Variants in SLC11A2 observed in about 807,000 individuals in gnomAD.
The protein encoded by SLC11A2 is solute carrier family 11 member 2, also known as natural resistance-associated macrophage protein 2.
A neutral mutation model predicts 68.0 loss-of-function variants in SLC11A2; 38 were observed. That is an observed-to-expected ratio of 0.56 (90% CI 0.43 to 0.73). The LOEUF is 0.73. Among genes scored for constraint, SLC11A2 ranks in the 30% least tolerant of loss-of-function variants. The probability of loss-of-function intolerance (pLI) is 0.00; values close to 1 mark genes in which losing one functional copy is unlikely to be tolerated. For synonymous variants in SLC11A2, 242 were observed against 250.6 expected (o/e 0.97, Z 0.32); for missense variants, 517 against 690.5 (o/e 0.75, Z 2.82).
At position 50,986,802 on chromosome 12, in the gene SLC11A2, T is replaced by C. The variant is rs1266671737; in HGVS notation, c.*1523A>G. The C allele has an allele frequency of 7.8e-7, 1 of 1,287,210 alleles. No individual in the cohort carries two copies. The highest frequency in any genetic ancestry group is 1.2e-5 in the South Asian group (1 of 80,936). 79.7% of individuals were successfully genotyped at this position (1,287,210 alleles called of 1,614,324 possible). Reference sequence around the variant, plus strand: ...GTATGGTCAGTGAAACACAGTAGTGTACCCTTAAATGCCTTATAAAAGACC... The same window carrying C: ...GTATGGTCAGTGAAACACAGTAGTGCACCCTTAAATGCCTTATAAAAGACC... On this transcript the variant is annotated 3_prime_UTR_variant, in exon 16 of 16. Coordinates refer to ENST00000262052, the MANE Select transcript of SLC11A2 (RefSeq NM_000617.3).
Position 51,026,363 on chromosome 12 carries a change from T to A in SLC11A2, c.-92A>T. The A allele has an allele frequency of 2.3e-6, 3 of 1,281,218 alleles. No individual in the cohort carries two copies. Among genetic ancestry groups the A allele is most frequent in the Non-Finnish European group, 3.0e-6 (3 of 983,828 alleles). The allele number at this position is 1,281,218 out of a possible 1,614,324, so 79.4% of individuals were successfully genotyped here. The stretch of plus-strand genomic sequence containing the variant: ...CCGCCCCCGCGCCCAGGGCTCCATA[T>A]TCCGGGAGCCAGCGCCACGCTGGCT... On this transcript the variant is annotated 5_prime_UTR_variant, in exon 1 of 16. Transcript: ENST00000262052.
the SLC11A2 span, among the ~76,000 whole-genome samples, chr12:50,960,553 G>C: frequency 2.7e-5 from 4 of 148,368 alleles, no homozygotes; most frequent in African/African-American, 9.9e-5. Context: ...ATCAAATCCA[G>C]CTTGGTTCTT....
chr12:50,989,056 C>T (rs1940884382), intron 15 of SLC11A2, among the ~76,000 whole-genome samples: 1 of 152,092 alleles, frequency 6.6e-6, no homozygotes, highest in African/African-American at 2.4e-5. Context: ...CTCGGAAGTC[C>T]ACTTTTCCTC....
At chr12:50,970,001 C>A in the SLC11A2 span, among the ~76,000 whole-genome samples, 1 of 152,120 alleles carries the variant, frequency 6.6e-6, no homozygotes, top group African/African-American at 2.4e-5. Context: ...CCATACATAT[C>A]ATCCGCCTAA....
chr12:51,007,272 C>T (rs1230194147), intron 3 of SLC11A2, among the ~76,000 whole-genome samples: 1 of 152,134 alleles, frequency 6.6e-6, no homozygotes. Flanking sequence ...GTGTCACGGG[C>T]CTTGGTCACT....
chr12:51,017,247 G>T (rs1030497710), intron 1 of SLC11A2, among the ~76,000 whole-genome samples: 1 of 152,068 alleles, frequency 6.6e-6, no homozygotes, highest in Non-Finnish European at 1.5e-5. Context: ...ATTAGTAGAG[G>T]ACTGGTTGAA....
At chr12:50,993,032 C>T in intron 11 of SLC11A2, 103 bp from the exon 12 acceptor site, 1 of 1,341,268 alleles carries the variant, frequency 7.5e-7, no homozygotes, top group Non-Finnish European at 1.1e-6. Flanking sequence ...TTGCTATGCA[C>T]CACCAACACC....
chr12:51,013,091 T>C (rs1943360835), intron 1 of SLC11A2, among the ~76,000 whole-genome samples: 1 of 152,148 alleles, frequency 6.6e-6, no homozygotes, highest in South Asian at 2.1e-4. Context: ...GAACTATGCA[T>C]AGCTCTTCCA....
downstream of SLC11A2, chr12:50,979,793 T>A (rs529879431): frequency 3.3e-5 from 15 of 448,078 alleles, no homozygotes; most frequent in Middle Eastern, 7.0e-4. Flanking sequence ...CTGGATTTTT[T>A]AAAAAGTTTT....
the SLC11A2 span, among the ~76,000 whole-genome samples, chr12:50,967,187 C>T: frequency 5.3e-5 from 8 of 152,170 alleles, no homozygotes; most frequent in South Asian, 2.1e-4. Flanking sequence ...GCAATCATGG[C>T]TCACTGCAGC....
At chr12:50,977,703 A>G (rs1196505201), downstream of SLC11A2, among the ~76,000 whole-genome samples, 1 of 152,214 alleles carries the variant, frequency 6.6e-6, no homozygotes, top group Non-Finnish European at 1.5e-5. Flanking sequence ...ATCAGAGTGA[A>G]CAGGCAACCT....
downstream of SLC11A2, chr12:50,980,921 G>A (rs1386990446): frequency 6.6e-6 from 1 of 152,208 alleles, no homozygotes; most frequent in Non-Finnish European, 1.5e-5. Flanking sequence ...GCCAGAATGA[G>A]CTGAGTTACA....
chr12:50,986,308 A>G lies in SLC11A2; in HGVS notation c.*2017T>C, dbSNP rs1940546760. ...TTTCTACATATTATTTATTGCACCC[A>G]GAGTACTGGTTAAAATGCACTTTCT... On this transcript the variant is annotated 3_prime_UTR_variant, in exon 16 of 16. Coordinates refer to ENST00000262052, the MANE Select transcript of SLC11A2 (RefSeq NM_000617.3). The G allele has an allele frequency of 2.3e-6, 3 of 1,286,418 alleles. No individual in the cohort carries two copies. The highest frequency in any genetic ancestry group is 3.2e-4 in the Middle Eastern group (1 of 3,084). 79.7% of individuals were successfully genotyped at this position (1,286,418 alleles called of 1,614,324 possible).
chr12:51,008,574 G>T lies in SLC11A2; in HGVS notation c.85C>A (p.Pro29Thr). Residue 29 changes from proline (P) to threonine (T), a missense_variant, in exon 3 of 16, where the codon CCT (proline) becomes ACT (threonine). Physicochemically the swap from Pro to Thr is conservative, Grantham distance 38. Transcript: ENST00000262052. The part of the protein sequence containing the change: ...GESASLGNIN[P>T]AYSNPSLSQS... The stretch of plus-strand genomic sequence containing the variant: ...GAAAGAGAGGGATTACTATAGGCAG[G>T]GTTGATGTTACCAAGACTGGCAGAC... The T allele has an allele frequency of 2.5e-6, 4 of 1,612,144 alleles. No individual in the cohort carries two copies. Among genetic ancestry groups the T allele is most frequent in the Non-Finnish European group, 3.4e-6 (4 of 1,178,352 alleles).
At chr12:50,954,124 C>A in the SLC11A2 span, 1 of 1,276,358 alleles carries the variant, frequency 7.8e-7, no homozygotes, top group South Asian at 1.2e-5. Context: ...ATGCAGAAAA[C>A]TGTAATAACA....
downstream of SLC11A2, among the ~76,000 whole-genome samples, chr12:50,978,210 C>T (rs1939876139): frequency 6.7e-6 from 1 of 150,284 alleles, no homozygotes; most frequent in Non-Finnish European, 1.5e-5. Flanking sequence ...TATTGCGGCA[C>T]TATTCACAAT....
chr12:50,999,214 C>A lies in SLC11A2; in HGVS notation c.635G>T (p.Gly212Val), dbSNP rs121918367. The A allele has an allele frequency of 5.6e-5, 91 of 1,613,804 alleles. No homozygotes were observed. The highest frequency in any genetic ancestry group is 8.3e-5 in the Admixed American group (5 of 59,966). The change falls in exon 8 of 16, where the codon GGC becomes GTC. Residue 212 changes from glycine (G) to valine (V), a missense_variant. Transcript: ENST00000262052. ...YGLRKLEAFF[G>V]FLITIMALTF... Reference sequence around the variant, plus strand: ...GAGGGCCATAATAGTGATGAGAAAGCCAAAAAATGCTTCTAGCTTCCGCAA... The same window carrying A: ...GAGGGCCATAATAGTGATGAGAAAGACAAAAAATGCTTCTAGCTTCCGCAA...
chr12:51,026,390 A>G (rs1944394723), upstream of SLC11A2: 2 of 1,271,090 alleles, frequency 1.6e-6, no homozygotes, highest in Non-Finnish European at 2.1e-6. Context: ...ACGCTGGCTA[A>G]CGCCCTCCCC....
At chr12:51,020,645 C>T (rs970181790) in intron 1 of SLC11A2, among the ~76,000 whole-genome samples, 4 of 152,156 alleles carry the variant, frequency 2.6e-5, no homozygotes, top group Non-Finnish European at 5.9e-5. Flanking sequence ...AGTCAGGCCT[C>T]TGTAACCCTG....
Sources: allele counts gnomAD v4.1 joint callset (sites outside exome capture counted in the v4.1 genomes callset), GRCh38; gene constraint gnomAD v4.1.1; transcripts MANE v1.5; gene names NCBI Gene and HGNC (gene_info 2026-07-23, HGNC 2026-07-21).